ZMYM2: variants seen among roughly 807,000 people sequenced by gnomAD.
The protein encoded by ZMYM2 is zinc finger MYM-type protein 2.
ZMYM2 carries 56 observed loss-of-function variants against 162.8 expected under a neutral mutation model. The ratio of observed to expected loss-of-function variants is 0.34; its 90% CI spans 0.28 to 0.43. The LOEUF (loss-of-function observed/expected upper bound fraction) is 0.43, where lower values mean the gene tolerates loss of function less well. Ranked by LOEUF, ZMYM2 falls within the 20% of genes least tolerant of loss-of-function variation. The pLI is 1.00. For synonymous variants in ZMYM2, 510 were observed against 541.6 expected (o/e 0.94, Z 0.81); for missense variants, 1,275 against 1,621.8 (o/e 0.79, Z 3.67).
chr13:19,934,152 G>A, the ZMYM2 span, among the ~76,000 whole-genome samples: 1 of 150,542 alleles, frequency 6.6e-6, no homozygotes, highest in African/African-American at 2.5e-5. Context: ...ATTCATACTC[G>A]TATTTTGTTT....
chr13:19,915,311 T>TCTTGAA, the ZMYM2 span, among the ~76,000 whole-genome samples: 1 of 152,066 alleles, frequency 6.6e-6, no homozygotes, highest in Non-Finnish European at 1.5e-5. Context: ...GCCAGGTTGG[T>TCTTGAA]CTTGAACACC....
At chr13:20,060,964 A>G in intron 16 of ZMYM2, 89 bp from the exon 17 acceptor site, 2 of 1,269,390 alleles carry the variant, frequency 1.6e-6, no homozygotes, top group Non-Finnish European at 2.2e-6. Context: ...TGATATTACA[A>G]AGTAGATCAT....
At chr13:19,892,643 A>G in the ZMYM2 span, among the ~76,000 whole-genome samples, 963 of 151,722 alleles carry the variant, frequency 6.3e-3, 33 homozygotes, top group African/African-American at 0.021. Flanking sequence ...ATTTTTACCA[A>G]TTTGAGAAGT....
chr13:19,877,099 C>T, the ZMYM2 span, among the ~76,000 whole-genome samples: 1 of 151,386 alleles, frequency 6.6e-6, no homozygotes, highest in Non-Finnish European at 1.5e-5. Context: ...GTAATCCCAG[C>T]TACTCAGGAG....
At chr13:20,083,071 AT>A (rs1463347803) in intron 23 of ZMYM2, 39 bp downstream of exon 23, 23 of 1,490,470 alleles carry the variant, frequency 1.5e-5, no homozygotes, top group East Asian at 2.5e-5. Flanking sequence ...TTATTTTTAA[AT>A]TTTTTTTGAG....
chr13:19,977,915 C>T (rs545994318), intron 2 of ZMYM2, among the ~76,000 whole-genome samples: 9 of 142,096 alleles, frequency 6.3e-5, no homozygotes, highest in Non-Finnish European at 1.2e-4. Context: ...CTTGCTGTGT[C>T]GCCCAGGCTG....
the ZMYM2 span, among the ~76,000 whole-genome samples, chr13:19,934,038 G>A: frequency 5.3e-5 from 8 of 151,902 alleles, no homozygotes; most frequent in African/African-American, 1.7e-4. Context: ...TATATTTATT[G>A]AATTTTCTTC....
At chr13:19,882,559 C>T in the ZMYM2 span, among the ~76,000 whole-genome samples, 2 of 152,020 alleles carry the variant, frequency 1.3e-5, no homozygotes, top group African/African-American at 4.8e-5. Flanking sequence ...CCAGCCTGGG[C>T]AACAAGGTGA....
chr13:19,913,586 A>T, the ZMYM2 span, among the ~76,000 whole-genome samples: 1 of 152,154 alleles, frequency 6.6e-6, no homozygotes. Context: ...CTAGCCAGGC[A>T]TGGTGGTGGA....
At chr13:19,907,294 GA>G in the ZMYM2 span, among the ~76,000 whole-genome samples, 11 of 152,010 alleles carry the variant, frequency 7.2e-5, no homozygotes, top group African/African-American at 2.2e-4. Flanking sequence ...CTTTTATCCG[GA>G]CAATAAAAGA....
At chr13:19,887,620 A>G in the ZMYM2 span, among the ~76,000 whole-genome samples, 2 of 151,552 alleles carry the variant, frequency 1.3e-5, no homozygotes, top group African/African-American at 4.9e-5. Context: ...GTGATTTTTG[A>G]TCTGGTTACT....
intron 2 of ZMYM2, among the ~76,000 whole-genome samples, chr13:19,986,806 T>TA (rs1006521286): frequency 5.1e-4 from 77 of 150,754 alleles, no homozygotes; most frequent in African/African-American, 1.6e-3. Flanking sequence ...TTGCACAGAT[T>TA]AAAAAAAAAT....
Position 19,993,205 on chromosome 13 carries a change from A to C in ZMYM2, c.133A>C (p.Arg45=), listed in dbSNP as rs1264090994. The C allele has an allele frequency of 6.2e-7, 1 of 1,614,018 alleles. No individual in the cohort carries two copies. The highest frequency in any genetic ancestry group is 2.2e-5 in the East Asian group (1 of 44,868). ...TGGTCCAGCTAATCCTTTAGTGTCT[A>C]GATCTAATAAGTTTCAGAACTCGTC... ...FSGPANPLVS[R]SNKFQNSSVE... is the part of the protein sequence containing the mutation. Residue 45 remains arginine, a synonymous_variant, in exon 3 of 25, where the codon AGA becomes CGA. Transcript: ENST00000610343.
At chr13:20,005,784 C>T (rs917651584) in intron 5 of ZMYM2, among the ~76,000 whole-genome samples, 3 of 152,012 alleles carry the variant, frequency 2.0e-5, no homozygotes, top group African/African-American at 4.8e-5. Context: ...AAGATTTTTA[C>T]TCTATGAAGT....
chr13:20,003,052 A>T lies in ZMYM2; in HGVS notation c.1050A>T (p.Ser350=), dbSNP rs373306390. The T allele has an allele frequency of 6.4e-5, 103 of 1,614,084 alleles. No homozygotes were observed. The highest frequency in any genetic ancestry group is 8.2e-5 in the Non-Finnish European group (97 of 1,180,030). The part of the protein sequence containing the change: ...KGQTAYQRKG[S]AHLFCSTTCL... ...AGACAGCTTATCAACGAAAAGGATC[A>T]GCTCACCTCTTTTGTTCTACCACCT... Residue 350 remains serine, a synonymous_variant, in exon 4 of 25, where the codon TCA becomes TCT. Transcript: ENST00000610343.
intron 2 of ZMYM2, among the ~76,000 whole-genome samples, chr13:19,988,826 A>C (rs1415138254): frequency 6.6e-6 from 1 of 152,156 alleles, no homozygotes; most frequent in East Asian, 1.9e-4. Flanking sequence ...AAAAGTTAGT[A>C]TACCCATATT....
intron 21 of ZMYM2, among the ~76,000 whole-genome samples, chr13:20,080,761 A>G (rs1009375234): frequency 2.0e-5 from 3 of 152,170 alleles, no homozygotes; most frequent in Non-Finnish European, 4.4e-5. Context: ...AAGTGCTGAG[A>G]TTATAGGTGT....
At chr13:19,956,534 C>G (rs565474340), upstream of ZMYM2, among the ~76,000 whole-genome samples, 1 of 152,138 alleles carries the variant, frequency 6.6e-6, no homozygotes, top group Non-Finnish European at 1.5e-5. Flanking sequence ...AAATTCTCAA[C>G]GAAAAATTCT....
intron 2 of ZMYM2, among the ~76,000 whole-genome samples, chr13:19,960,646 C>T (rs1450579700): frequency 1.3e-5 from 2 of 152,136 alleles, no homozygotes. Context: ...CCCCATCTTC[C>T]ATGTTGATCA....
Sources: gnomAD v4.1 joint callset for allele counts (sites outside exome capture counted in the v4.1 genomes callset) on GRCh38, gnomAD v4.1.1 for gene constraint, MANE v1.5 for transcripts, NCBI Gene and HGNC (gene_info 2026-07-23, HGNC 2026-07-21) for gene names.